SMOC1: variants seen among roughly 807,000 people sequenced by gnomAD.
SMOC1 encodes SPARC-related modular calcium-binding protein 1.
SMOC1 carries 22 observed loss-of-function variants against 56.3 expected under a neutral mutation model. The observed-to-expected ratio is 0.39, with a 90% CI of 0.28 to 0.56. SMOC1 has a LOEUF of 0.56. SMOC1 is among the 20% of genes least tolerant of loss of function. The pLI is 0.61. For missense variants in SMOC1, 509 were observed against 565.4 expected (o/e 0.90, Z 1.01); for synonymous variants, 193 against 215.0 (o/e 0.90, Z 0.89).
chr14:69,978,554 CT>C (rs1480128440), intron 5 of SMOC1, among the ~76,000 whole-genome samples: 1 of 152,196 alleles, frequency 6.6e-6, no homozygotes, highest in Non-Finnish European at 1.5e-5. Context: ...ATATGAGTGT[CT>C]GCTGAACCTT....
intron 9 of SMOC1, 23 bp from the exon 10 acceptor site, chr14:70,013,363 T>C: frequency 1.2e-6 from 2 of 1,604,192 alleles, no homozygotes; most frequent in Non-Finnish European, 1.7e-6. Context: ...GCATCTACCT[T>C]CAAATCTCAT....
At chr14:69,886,844 C>A (rs145019979) in intron 1 of SMOC1, among the ~76,000 whole-genome samples, 4 of 152,252 alleles carry the variant, frequency 2.6e-5, no homozygotes, top group African/African-American at 9.6e-5. Context: ...TTTGGTAGAG[C>A]TGACATGTGA....
chr14:69,953,598 G>A, intron 3 of SMOC1, 66 bp downstream of exon 3: 2 of 1,361,488 alleles, frequency 1.5e-6, no homozygotes, highest in South Asian at 1.2e-5. Context: ...TGTCCCGAGA[G>A]CGCGAGGGCT....
intron 1 of SMOC1, among the ~76,000 whole-genome samples, chr14:69,910,169 A>G (rs548971650): frequency 2.0e-5 from 3 of 152,386 alleles, no homozygotes; most frequent in Admixed American, 6.5e-5. Flanking sequence ...GGTGTTTTAC[A>G]TAGACTCTCA....
chr14:70,028,060 C>T lies in SMOC1; in HGVS notation c.1292-2182C>T, dbSNP rs183010135. Among the ~76,000 whole-genome samples the T allele has an allele frequency of 3.3e-5, 5 of 152,182 alleles. No homozygotes were observed. In the East Asian group the frequency reaches 5.8e-4, roughly 18 times the overall value. Reference sequence around the variant, plus strand: ...CAGAAGCTGGCTGGGGGAAGGATGCCGAGCTTGGGGACCAGTAGAGTTTTG... The same window carrying T: ...CAGAAGCTGGCTGGGGGAAGGATGCTGAGCTTGGGGACCAGTAGAGTTTTG... On this transcript the variant is annotated intron_variant, in intron 11 of 11. Transcript: ENST00000361956.
Position 69,953,502 on chromosome 14 carries a change from A to G in SMOC1, c.348A>G (p.Pro116=). The part of the protein sequence containing the change: ...AKKPQEAVFV[P]ECGEDGSFTQ... ...AGCCTCAGGAAGCTGTGTTTGTCCCAGAGTGTGGCGAGGATGGCTCCTTTA... is the reference window on the plus strand; with the variant it reads ...AGCCTCAGGAAGCTGTGTTTGTCCCGGAGTGTGGCGAGGATGGCTCCTTTA... The change falls in exon 3 of 12, where the codon CCA becomes CCG. Residue 116 remains proline (P), a synonymous_variant. Transcript: ENST00000361956. 6.2e-7 allele frequency: 1 copy of G among 1,614,232 alleles called. No homozygotes were observed. Among genetic ancestry groups the G allele is most frequent in the East Asian group, 2.2e-5 (1 of 44,874 alleles).
chr14:70,011,506 G>C lies in SMOC1; in HGVS notation c.879G>C (p.Glu293Asp), dbSNP rs1268401295. The change falls in exon 9 of 12, where the codon GAG becomes GAC. Residue 293 changes from glutamate (E) to aspartate (D), a missense_variant. Physicochemically the swap from Glu to Asp is conservative, Grantham distance 45. Transcript: ENST00000361956. ...CCAGCTACGTGATGCCCAGTTGTGA[G>C]AGCGACGCCAGGGCCAAGACTACAG... ...TSTRYVMPSC[E>D]SDARAKTTEA... The C allele has an allele frequency of 6.2e-7, 1 of 1,611,816 alleles. No individual in the cohort carries two copies. The highest frequency in any genetic ancestry group is 1.1e-5 in the South Asian group (1 of 91,006).
At chr14:70,003,228 G>T (rs557724193) in intron 7 of SMOC1, among the ~76,000 whole-genome samples, 7 of 152,284 alleles carry the variant, frequency 4.6e-5, no homozygotes, top group Admixed American at 3.9e-4. Context: ...GGGTTTCAGG[G>T]TCACTGTAGG....
intron 1 of SMOC1, among the ~76,000 whole-genome samples, chr14:69,911,780 T>C (rs1325943209): frequency 2.6e-5 from 4 of 152,240 alleles, no homozygotes. Context: ...TTGTTTCCAG[T>C]TTTTGGCAAT....
chr14:69,994,295 A>AT, intron 6 of SMOC1, 105 bp from the exon 7 acceptor site: 1 of 904,986 alleles, frequency 1.1e-6, no homozygotes, highest in Admixed American at 1.7e-5. Flanking sequence ...TGAAGCCTCA[A>AT]TGCCTCAGAC....
intron 1 of SMOC1, among the ~76,000 whole-genome samples, chr14:69,946,731 A>G (rs1386789367): frequency 1.3e-5 from 2 of 152,166 alleles, no homozygotes. Context: ...TATCTGACAT[A>G]GTTTGGAAAT....
chr14:69,996,772 T>A (rs1279696974), intron 7 of SMOC1, among the ~76,000 whole-genome samples: 1 of 152,220 alleles, frequency 6.6e-6, no homozygotes, highest in Non-Finnish European at 1.5e-5. Flanking sequence ...GATTGATAAC[T>A]TAGGAATCTC....
intron 1 of SMOC1, among the ~76,000 whole-genome samples, chr14:69,925,998 A>C (rs1010763246): frequency 4.6e-5 from 7 of 151,742 alleles, no homozygotes. Context: ...AGCTCCCCTC[A>C]GGAACTCTCT....
intron 3 of SMOC1, among the ~76,000 whole-genome samples, chr14:69,967,804 T>C (rs1883625655): frequency 6.6e-6 from 1 of 152,212 alleles, no homozygotes; most frequent in South Asian, 2.1e-4. Flanking sequence ...CACTGAGGTC[T>C]TTTTGTCTCC....
intron 10 of SMOC1, among the ~76,000 whole-genome samples, chr14:70,018,276 G>A (rs1158656670): frequency 6.6e-6 from 1 of 152,138 alleles, no homozygotes; most frequent in East Asian, 1.9e-4. Context: ...CCGTGGGAAA[G>A]GGATGATTTG....
intron 3 of SMOC1, among the ~76,000 whole-genome samples, chr14:69,954,397 G>A (rs1883114382): frequency 6.6e-6 from 1 of 152,152 alleles, no homozygotes; most frequent in African/African-American, 2.4e-5. Context: ...TCAAAGTCCT[G>A]GCCTCAAGTG....
At chr14:69,920,960 C>T (rs1884823667) in intron 1 of SMOC1, among the ~76,000 whole-genome samples, 1 of 152,210 alleles carries the variant, frequency 6.6e-6, no homozygotes, top group Admixed American at 6.5e-5. Context: ...CTGCTCTGTG[C>T]TCCTTAGTCC....
At chr14:69,973,713 A>C (rs1594832229) in intron 3 of SMOC1, among the ~76,000 whole-genome samples, 1 of 152,154 alleles carries the variant, frequency 6.6e-6, no homozygotes, top group African/African-American at 2.4e-5. Context: ...ATTTCTGTCG[A>C]TAGGTCCATA....
chr14:69,938,416 G>A (rs919359000), intron 1 of SMOC1, among the ~76,000 whole-genome samples: 39 of 152,166 alleles, frequency 2.6e-4, no homozygotes, highest in African/African-American at 6.5e-4. Flanking sequence ...GTTAGAAAAC[G>A]AATAGCAGCA....
Sources: allele counts gnomAD v4.1 joint callset (sites outside exome capture counted in the v4.1 genomes callset), GRCh38; gene constraint gnomAD v4.1.1; transcripts MANE v1.5; gene names NCBI Gene and HGNC (gene_info 2026-07-23, HGNC 2026-07-21).